ZNF618: variants seen among roughly 807,000 people sequenced by gnomAD.
The protein encoded by ZNF618 is neural precursor cell expressed, developmentally down-regulated 10.
A neutral mutation model predicts 103.0 loss-of-function variants in ZNF618; 34 were observed. That is an observed-to-expected ratio of 0.33 (90% CI 0.25 to 0.44). ZNF618 has a LOEUF of 0.44. Ranked by LOEUF, ZNF618 falls within the 20% of genes least tolerant of loss-of-function variation. ZNF618 has a pLI of 1.00. For missense variants in ZNF618, 1,059 were observed against 1,295.4 expected (o/e 0.82, Z 2.80); for synonymous variants, 551 against 542.2 (o/e 1.02, Z -0.23).
intron 10 of ZNF618, among the ~76,000 whole-genome samples, chr9:114,023,259 C>A (rs1048210597): frequency 1.3e-5 from 2 of 151,930 alleles, no homozygotes; most frequent in Admixed American, 6.6e-5. Context: ...AAAAATGCCT[C>A]TTAGCTTTCT....
intron 13 of ZNF618, among the ~76,000 whole-genome samples, chr9:114,040,035 G>A (rs1845000149): frequency 1.3e-5 from 2 of 152,076 alleles, no homozygotes; most frequent in Admixed American, 1.3e-4. Context: ...TAACTCATTT[G>A]TATTGGGAGT....
At chr9:114,048,087 G>A (rs939863538) in intron 14 of ZNF618, 93 bp downstream of exon 14, 2 of 1,069,552 alleles carry the variant, frequency 1.9e-6, no homozygotes, top group Non-Finnish European at 2.7e-6. Context: ...TGCTTCCTGT[G>A]ATGTTGTAAG....
At chr9:113,976,101 G>C (rs1032654365) in intron 2 of ZNF618, among the ~76,000 whole-genome samples, 3 of 152,122 alleles carry the variant, frequency 2.0e-5, no homozygotes, top group Admixed American at 6.5e-5. Context: ...TTCATATACA[G>C]TCTTAGGTTT....
At chr9:113,983,910 C>T (rs957326082) in intron 2 of ZNF618, among the ~76,000 whole-genome samples, 1 of 152,082 alleles carries the variant, frequency 6.6e-6, no homozygotes, top group East Asian at 1.9e-4. Flanking sequence ...TTCCAGTGGG[C>T]CCCGGGGAGT....
At chr9:114,043,503 G>A (rs1200874463) in intron 13 of ZNF618, among the ~76,000 whole-genome samples, 1 of 152,162 alleles carries the variant, frequency 6.6e-6, no homozygotes, top group Admixed American at 6.5e-5. Flanking sequence ...ATCTGTTCAT[G>A]TGCTCATTGA....
intron 10 of ZNF618, 118 bp downstream of exon 10, chr9:114,016,902 C>A: frequency 1.3e-6 from 1 of 744,892 alleles, no homozygotes; most frequent in Non-Finnish European, 2.2e-6. Context: ...GAGCTCAGTT[C>A]TGGGTCAGTC....
chr9:113,914,403 C>A (rs930685822), intron 1 of ZNF618, among the ~76,000 whole-genome samples: 20 of 152,160 alleles, frequency 1.3e-4, no homozygotes, highest in Admixed American at 6.5e-4. Flanking sequence ...GTGCGCTTCT[C>A]TGTAGAGCCA....
intron 9 of ZNF618, among the ~76,000 whole-genome samples, chr9:114,012,183 C>T (rs1842314404): frequency 6.6e-6 from 1 of 152,212 alleles, no homozygotes; most frequent in Non-Finnish European, 1.5e-5. Flanking sequence ...TGACCTTACA[C>T]ATCCACTTAG....
intron 1 of ZNF618, among the ~76,000 whole-genome samples, chr9:113,965,406 G>T (rs1234264044): frequency 6.6e-6 from 1 of 152,096 alleles, no homozygotes; most frequent in Non-Finnish European, 1.5e-5. Flanking sequence ...AGGGTCGAAT[G>T]AAACCAAAAA....
chr9:113,904,131 A>C (rs2131309903), intron 1 of ZNF618, among the ~76,000 whole-genome samples: 1 of 143,120 alleles, frequency 7.0e-6, no homozygotes, highest in African/African-American at 2.6e-5. Context: ...GTTAATAATT[A>C]TTGCTGTCTT....
At chr9:113,954,660 A>G (rs962078843) in intron 1 of ZNF618, among the ~76,000 whole-genome samples, 2 of 152,174 alleles carry the variant, frequency 1.3e-5, no homozygotes, top group African/African-American at 2.4e-5. Context: ...GGAGTTTCCT[A>G]TCTGAACTGA....
intron 9 of ZNF618, 90 bp downstream of exon 9, chr9:114,008,644 GT>G: frequency 6.8e-7 from 1 of 1,473,162 alleles, no homozygotes; most frequent in Non-Finnish European, 9.4e-7. Context: ...AGGGGTAGCA[GT>G]GGGTGGCATC....
chr9:113,941,928 G>C (rs964027422), intron 1 of ZNF618, among the ~76,000 whole-genome samples: 1 of 152,214 alleles, frequency 6.6e-6, no homozygotes, highest in African/African-American at 2.4e-5. Flanking sequence ...AGGATGCCAG[G>C]TGCAGCTGGA....
chr9:113,978,001 A>G (rs1838637225), intron 2 of ZNF618, among the ~76,000 whole-genome samples: 1 of 152,228 alleles, frequency 6.6e-6, no homozygotes, highest in African/African-American at 2.4e-5. Context: ...ATTATCTCCA[A>G]CTAATGATAT....
At chr9:114,019,016 G>A (rs1842859741) in intron 10 of ZNF618, among the ~76,000 whole-genome samples, 3 of 152,336 alleles carry the variant, frequency 2.0e-5, no homozygotes, top group Middle Eastern at 6.8e-3. Context: ...CCATGGCTGG[G>A]ACTTGAGACT....
At chr9:113,948,047 G>A (rs1835210626) in intron 1 of ZNF618, among the ~76,000 whole-genome samples, 1 of 152,168 alleles carries the variant, frequency 6.6e-6, no homozygotes, top group Admixed American at 6.5e-5. Context: ...AGATTGCATG[G>A]AAGAGATGCT....
At chr9:113,993,934 G>C (rs1166302917) in intron 3 of ZNF618, among the ~76,000 whole-genome samples, 2 of 152,226 alleles carry the variant, frequency 1.3e-5, no homozygotes, top group Non-Finnish European at 2.9e-5. Context: ...GTGATCATGG[G>C]AACTGTTTGG....
At chr9:113,897,927 G>C (rs1017271944) in intron 1 of ZNF618, among the ~76,000 whole-genome samples, 1 of 152,066 alleles carries the variant, frequency 6.6e-6, no homozygotes, top group African/African-American at 2.4e-5. Flanking sequence ...CGAGTAGCTG[G>C]GATTACAGGT....
intron 1 of ZNF618, among the ~76,000 whole-genome samples, chr9:113,950,809 G>C (rs756385090): frequency 6.6e-6 from 1 of 152,126 alleles, no homozygotes; most frequent in South Asian, 2.1e-4. Context: ...CATTCGAGAG[G>C]TTCCCTGGTG....
Sources: allele counts gnomAD v4.1 joint callset (sites outside exome capture counted in the v4.1 genomes callset), GRCh38; gene constraint gnomAD v4.1.1; transcripts MANE v1.5; gene names NCBI Gene and HGNC (gene_info 2026-07-23, HGNC 2026-07-21).